GALNTL6: variants seen among roughly 807,000 people sequenced by gnomAD.
GALNTL6 encodes the protein polypeptide N-acetylgalactosaminyltransferase-like 6.
GALNTL6 carries 46 observed loss-of-function variants against 73.7 expected under a neutral mutation model. That is an observed-to-expected ratio of 0.62 (90% confidence interval 0.49 to 0.80). The LOEUF (loss-of-function observed/expected upper bound fraction) is 0.80. GALNTL6 is among the 30% of genes least tolerant of loss of function. GALNTL6 has a pLI of 0.00. For synonymous variants in GALNTL6, 259 were observed against 263.7 expected (o/e 0.98, Z 0.17); for missense variants, 604 against 755.0 (o/e 0.80, Z 2.34).
intron 5 of GALNTL6, among the ~76,000 whole-genome samples, chr4:172,656,614 A>G (rs1030314667): frequency 2.0e-5 from 3 of 152,200 alleles, no homozygotes; most frequent in African/African-American, 4.8e-5. Context: ...TCAAAGGAAC[A>G]CACATATTTT....
intron 7 of GALNTL6, among the ~76,000 whole-genome samples, chr4:172,827,346 G>C (rs944034732): frequency 6.6e-6 from 1 of 152,082 alleles, no homozygotes; most frequent in African/African-American, 2.4e-5. Context: ...CACCCTTTGC[G>C]GGTTACAGAG....
intron 11 of GALNTL6, among the ~76,000 whole-genome samples, chr4:173,019,022 G>T (rs1474368674): frequency 1.3e-5 from 2 of 152,318 alleles, no homozygotes; most frequent in South Asian, 2.1e-4. Flanking sequence ...GCTATTGAGA[G>T]CAATGGTTGT....
intron 2 of GALNTL6, among the ~76,000 whole-genome samples, chr4:172,086,561 A>G (rs1282195080): frequency 6.6e-6 from 1 of 152,158 alleles, no homozygotes; most frequent in East Asian, 1.9e-4. Context: ...AGATACCTAT[A>G]AACACATGCA....
At chr4:172,153,251 A>C (rs1734154048) in intron 2 of GALNTL6, among the ~76,000 whole-genome samples, 1 of 152,152 alleles carries the variant, frequency 6.6e-6, no homozygotes, top group Admixed American at 6.5e-5. Context: ...GTTTTACCTC[A>C]TTGCTTTTAA....
At chr4:172,887,687 C>T (rs1745801614) in intron 8 of GALNTL6, among the ~76,000 whole-genome samples, 1 of 152,028 alleles carries the variant, frequency 6.6e-6, no homozygotes, top group South Asian at 2.1e-4. Context: ...CCTCAGCCTC[C>T]CATGTAGCTG....
At chr4:172,872,526 A>C (rs1744999337) in intron 7 of GALNTL6, among the ~76,000 whole-genome samples, 1 of 152,220 alleles carries the variant, frequency 6.6e-6, no homozygotes, top group African/African-American at 2.4e-5. Flanking sequence ...CAATGTAGTG[A>C]GACTTTAAAT....
chr4:172,775,004 A>AAT, intron 5 of GALNTL6, among the ~76,000 whole-genome samples: 2 of 128,982 alleles, frequency 1.6e-5, no homozygotes, highest in African/African-American at 6.7e-5. Flanking sequence ...ATAATAATAA[A>AAT]ATCCAGAAGA....
At chr4:172,204,263 T>A (rs1736040750) in intron 2 of GALNTL6, among the ~76,000 whole-genome samples, 1 of 152,222 alleles carries the variant, frequency 6.6e-6, no homozygotes, top group Non-Finnish European at 1.5e-5. Flanking sequence ...GTCCTTTTTT[T>A]AAAACTGCGT....
At chr4:171,912,894 G>A (rs758795720) in intron 2 of GALNTL6, among the ~76,000 whole-genome samples, 1 of 152,032 alleles carries the variant, frequency 6.6e-6, no homozygotes, top group South Asian at 2.1e-4. Flanking sequence ...CTTTTTTTGT[G>A]ATTGAATAAT....
At chr4:172,624,678 A>G (rs905490387) in intron 5 of GALNTL6, among the ~76,000 whole-genome samples, 5 of 152,126 alleles carry the variant, frequency 3.3e-5, no homozygotes, top group African/African-American at 1.2e-4. Flanking sequence ...AATAAATGCA[A>G]TTAGATCATA....
intron 2 of GALNTL6, among the ~76,000 whole-genome samples, chr4:172,152,227 C>G (rs1352558729): frequency 1.3e-5 from 2 of 152,186 alleles, no homozygotes; most frequent in Non-Finnish European, 2.9e-5. Flanking sequence ...ATCCACCCAC[C>G]TCAGCCTCCC....
At chr4:172,020,354 G>T (rs899590458) in intron 2 of GALNTL6, among the ~76,000 whole-genome samples, 3 of 143,892 alleles carry the variant, frequency 2.1e-5, no homozygotes, top group African/African-American at 7.6e-5. Context: ...TAATACAAAA[G>T]ATCAAAGAAA....
intron 5 of GALNTL6, among the ~76,000 whole-genome samples, chr4:172,434,580 A>C (rs1203080459): frequency 6.6e-6 from 1 of 152,152 alleles, no homozygotes. Context: ...AATAAATTGT[A>C]TTCTTTCTTT....
chr4:172,840,173 A>C (rs1743133106), intron 7 of GALNTL6, among the ~76,000 whole-genome samples: 1 of 152,366 alleles, frequency 6.6e-6, no homozygotes, highest in Non-Finnish European at 1.5e-5. Context: ...CAAATTCTAA[A>C]GATATGAAAG....
At chr4:171,878,065 AT>A (rs1324231728) in intron 2 of GALNTL6, among the ~76,000 whole-genome samples, 1 of 152,224 alleles carries the variant, frequency 6.6e-6, no homozygotes, top group African/African-American at 2.4e-5. Context: ...ACTGTTTATA[AT>A]TCTAGACTTC....
chr4:172,425,132 G>A (rs1057181643), intron 5 of GALNTL6, among the ~76,000 whole-genome samples: 2 of 152,020 alleles, frequency 1.3e-5, no homozygotes, highest in Admixed American at 6.6e-5. Flanking sequence ...GAGTACTACA[G>A]TATAGCACAT....
At chr4:172,235,026 A>C (rs1737193915) in intron 3 of GALNTL6, among the ~76,000 whole-genome samples, 1 of 152,144 alleles carries the variant, frequency 6.6e-6, no homozygotes, top group Admixed American at 6.5e-5. Flanking sequence ...GTATTCTTCT[A>C]GTAATTTGTC....
intron 5 of GALNTL6, among the ~76,000 whole-genome samples, chr4:172,532,223 C>G (rs1040995903): frequency 6.6e-6 from 1 of 152,128 alleles, no homozygotes; most frequent in Admixed American, 6.5e-5. Context: ...GAAGAGGTTA[C>G]TAAGGTGGGT....
chr4:172,174,389 T>A lies in GALNTL6; in HGVS notation c.139-55267T>A, dbSNP rs575521160. ...GATCTTTTTCTTTTCATTTTTCCCT[T>A]TTTTTGTTGTTGTTGTTTTAGAAGT... is the stretch of plus-strand genomic sequence containing the variant. On this transcript the variant is annotated intron_variant, in intron 2 of 12. Transcript: ENST00000506823. 2.6e-4 allele frequency among the ~76,000 whole-genome samples: 39 copies of A among 152,306 alleles called. 2 individuals carry two copies. The South Asian group carries it at 8.1e-3, about 32-fold the overall frequency.
Sources: gnomAD v4.1 joint callset for allele counts (sites outside exome capture counted in the v4.1 genomes callset) on GRCh38, gnomAD v4.1.1 for gene constraint, MANE v1.5 for transcripts, NCBI Gene and HGNC (gene_info 2026-07-23, HGNC 2026-07-21) for gene names.